The following CD226 variants were observed in gnomAD, a reference collection of about 807,000 sequenced individuals.
The protein encoded by CD226 is CD226 molecule, also known as CD226 antigen.
CD226 carries 24 observed loss-of-function variants against 34.9 expected under a neutral mutation model. The observed-to-expected ratio is 0.69, with a 90% CI of 0.50 to 0.97. The LOEUF (loss-of-function observed/expected upper bound fraction) is 0.97, where lower values mean the gene tolerates loss of function less well. Ranked by LOEUF, CD226 falls within the 50% of genes least tolerant of loss-of-function variation. The pLI is 0.00. For synonymous variants in CD226, 148 were observed against 147.4 expected (o/e 1.00, Z -0.03); for missense variants, 397 against 412.7 (o/e 0.96, Z 0.33).
chr18:69,932,521 C>T (rs576276803), intron 2 of CD226, among the ~76,000 whole-genome samples: 2 of 152,298 alleles, frequency 1.3e-5, no homozygotes, highest in South Asian at 4.2e-4. Flanking sequence ...TCCACCCCTC[C>T]AAGTTCACCA....
At chr18:69,919,040 T>C (rs1488288335) in intron 2 of CD226, among the ~76,000 whole-genome samples, 1 of 151,928 alleles carries the variant, frequency 6.6e-6, no homozygotes, top group South Asian at 2.1e-4. Flanking sequence ...ATTTAGGAAA[T>C]AATGTCACTG....
upstream of CD226, among the ~76,000 whole-genome samples, chr18:69,950,391 G>A (rs967811284): frequency 6.6e-6 from 1 of 152,332 alleles, no homozygotes; most frequent in South Asian, 2.1e-4. Context: ...TGGAAAGACA[G>A]ACATCAGACG....
intron 2 of CD226, among the ~76,000 whole-genome samples, chr18:69,902,312 C>T (rs1311236720): frequency 6.6e-6 from 1 of 152,060 alleles, no homozygotes; most frequent in East Asian, 1.9e-4. Flanking sequence ...TTCAAAATTC[C>T]AGGAGTGGGT....
At chr18:69,891,037 A>C (rs1459258325) in intron 3 of CD226, among the ~76,000 whole-genome samples, 3 of 138,640 alleles carry the variant, frequency 2.2e-5, no homozygotes, top group Non-Finnish European at 4.7e-5. Context: ...AAAAAAACCT[A>C]CAGGCTGACA....
At chr18:69,934,296 ACACACACACACACACG>A (rs981086852) in intron 2 of CD226, among the ~76,000 whole-genome samples, 5 of 151,908 alleles carry the variant, frequency 3.3e-5, no homozygotes, top group African/African-American at 9.7e-5. Context: ...ACACACACAC[ACACACACACACACACG>A]CACGCACACC....
rs1982585332 is a variant in CD226, at chr18:69,855,501, G to A, written c.*8813C>T. 1 of 152,064 alleles carries A rather than the reference G, an allele frequency of 6.6e-6. No individual in the cohort carries two copies. The highest frequency in any genetic ancestry group is 2.4e-5 in the African/African-American group (1 of 41,422). 9.4% of individuals were successfully genotyped at this position (152,064 alleles called of 1,614,324 possible). ...AAAAACCCAGAATATTCAAGACTAT[G>A]GAATAATTGAAGAAGAAGAAAGAAT... On this transcript the variant is annotated 3_prime_UTR_variant, in exon 6 of 6. Transcript: ENST00000582621.
intron 2 of CD226, among the ~76,000 whole-genome samples, chr18:69,926,371 G>T (rs2145321578): frequency 6.6e-6 from 1 of 152,148 alleles, no homozygotes; most frequent in Admixed American, 6.5e-5. Context: ...TTAGTTGTCA[G>T]ATGTGTTTTC....
At chr18:69,905,823 T>C (rs2055245966) in intron 2 of CD226, among the ~76,000 whole-genome samples, 1 of 152,212 alleles carries the variant, frequency 6.6e-6, no homozygotes, top group Non-Finnish European at 1.5e-5. Flanking sequence ...TGATGGCATC[T>C]GCAGAGACCC....
rs369994571 is a variant in CD226, at chr18:69,923,919, A to G, written c.382+22815T>C. Among the ~76,000 whole-genome samples, 1,166 of 150,668 alleles carry G rather than the reference A, an allele frequency of 7.7e-3. 17 individuals carry two copies. Among genetic ancestry groups the G allele is most frequent in the African/African-American group, 0.027 (1,104 of 40,796 alleles). On this transcript the variant is annotated intron_variant, in intron 2 of 5. Coordinates refer to ENST00000582621, the MANE Select transcript of CD226 (RefSeq NM_001303618.2). ...CAGTGAGCCGAGATCGCGCCACTGC[A>G]CTCCAGCCTGGGCGACAGAGCGAGA... is the stretch of plus-strand genomic sequence containing the variant.
chr18:69,907,960 C>G (rs957721495), intron 2 of CD226, among the ~76,000 whole-genome samples: 5 of 149,816 alleles, frequency 3.3e-5, no homozygotes, highest in Non-Finnish European at 7.4e-5. Context: ...TGTTTGTACC[C>G]TATAAATTTA....
intron 2 of CD226, among the ~76,000 whole-genome samples, chr18:69,907,647 A>C (rs2055272355): frequency 6.6e-6 from 1 of 152,170 alleles, no homozygotes; most frequent in Non-Finnish European, 1.5e-5. Context: ...TGAGTCAATG[A>C]AATCTCTCTC....
intron 4 of CD226, among the ~76,000 whole-genome samples, chr18:69,870,272 C>CTTTTTT (rs66643759): frequency 2.4e-5 from 3 of 124,102 alleles, no homozygotes; most frequent in Non-Finnish European, 5.0e-5. Context: ...TTGGCTCCCC[C>CTTTTTT]TTTTTTTTTT....
chr18:69,901,218 C>T (rs1030613427), intron 2 of CD226, among the ~76,000 whole-genome samples: 1 of 152,152 alleles, frequency 6.6e-6, no homozygotes. Flanking sequence ...AGGTATTACA[C>T]AGTAACAATG....
At chr18:69,950,383 G>C (rs951944492), upstream of CD226, among the ~76,000 whole-genome samples, 2 of 152,192 alleles carry the variant, frequency 1.3e-5, no homozygotes, top group Non-Finnish European at 2.9e-5. Context: ...AGTCTAGTTG[G>C]AAAGACAGAC....
At chr18:69,923,719 C>A (rs1184112221) in intron 2 of CD226, among the ~76,000 whole-genome samples, 1 of 152,022 alleles carries the variant, frequency 6.6e-6, no homozygotes, top group East Asian at 1.9e-4. Flanking sequence ...TTTGGGAGGC[C>A]GAGGCGGGCG....
intron 2 of CD226, among the ~76,000 whole-genome samples, chr18:69,935,050 C>T (rs2145341100): frequency 6.6e-6 from 1 of 152,262 alleles, no homozygotes; most frequent in Admixed American, 6.5e-5. Context: ...ATCTTTTTAT[C>T]GACGCTACCT....
chr18:69,909,434 C>T (rs1049825517), intron 2 of CD226, among the ~76,000 whole-genome samples: 4 of 152,238 alleles, frequency 2.6e-5, no homozygotes, highest in Non-Finnish European at 5.9e-5. Context: ...GTTTTAATAC[C>T]AACTCTCCAA....
chr18:69,888,415 T>C (rs1449212612), intron 3 of CD226, among the ~76,000 whole-genome samples: 1 of 101,090 alleles, frequency 9.9e-6, no homozygotes, highest in African/African-American at 3.2e-5. Context: ...TTTTCCTTTC[T>C]CTTTTTTTTT....
In CD226 at chr18:69,895,973, C is replaced by G. The variant is rs1162567209; in HGVS notation, c.455G>C (p.Cys152Ser). ...SEPGKNVTLT[C>S]QPQMTWPVQA... ...CACAGGCCACGTCATCTGAGGCTGA[C>G]AAGTGAGTGTGACATTCTTTCCAGG... The change falls in exon 3 of 6, where the codon TGT becomes TCT. Residue 152 changes from cysteine (C) to serine (S), a missense_variant. Transcript: ENST00000582621. The G allele has an allele frequency of 3.7e-6, 6 of 1,614,050 alleles. No homozygotes were observed. The Admixed American group carries it at 1.0e-4, about 27-fold the overall frequency.
Sources: gnomAD v4.1 joint callset for allele counts (sites outside exome capture counted in the v4.1 genomes callset) on GRCh38, gnomAD v4.1.1 for gene constraint, MANE v1.5 for transcripts, NCBI Gene and HGNC (gene_info 2026-07-23, HGNC 2026-07-21) for gene names.